NBEAL1: variants seen among roughly 807,000 people sequenced by gnomAD.
NBEAL1 encodes neurobeachin-like protein 1.
A neutral mutation model predicts 351.3 loss-of-function variants in NBEAL1; 273 were observed. That is an observed-to-expected ratio of 0.78 (90% CI 0.70 to 0.86). NBEAL1 has a LOEUF of 0.86. NBEAL1 is among the 40% of genes least tolerant of loss of function. The pLI is 0.00. For synonymous variants in NBEAL1, 1,050 were observed against 1,086.4 expected (o/e 0.97, Z 0.66); for missense variants, 2,961 against 3,201.3 (o/e 0.92, Z 1.81).
At chr2:203,119,467 C>G (rs572589142) in intron 18 of NBEAL1, among the ~76,000 whole-genome samples, 4 of 101,172 alleles carry the variant, frequency 4.0e-5, no homozygotes, top group Non-Finnish European at 7.8e-5. Flanking sequence ...CGCTCTGTTG[C>G]CAGGCTGGAG....
chr2:203,152,915 G>A (rs539378307), intron 35 of NBEAL1, among the ~76,000 whole-genome samples: 18 of 151,974 alleles, frequency 1.2e-4, no homozygotes, highest in African/African-American at 3.6e-4. Flanking sequence ...GCGGGCACCT[G>A]TAATCCCAGC....
rs543588457 is a variant in NBEAL1, at chr2:203,138,385, C to A, written c.4719+70C>A. On this transcript the variant is annotated intron_variant, in intron 30 of 55. Coordinates refer to ENST00000683969, the MANE Select transcript of NBEAL1 (RefSeq NM_001378026.1). ...CTTTATTCAAAGAAAAATTTTGCAC[C>A]CCCTCTTTTTAGAGCGTTAATGCTT... 8.4e-6 allele frequency: 12 copies of A among 1,435,064 alleles called. No individual in the cohort carries two copies. The African/African-American group carries it at 1.4e-4, about 17-fold the overall frequency. The allele number at this position is 1,435,064 out of a possible 1,614,324, so 88.9% of individuals were successfully genotyped here.
At chr2:203,162,019 ATTTTTT>A (rs780529337) in intron 36 of NBEAL1, among the ~76,000 whole-genome samples, 5 of 107,228 alleles carry the variant, frequency 4.7e-5, no homozygotes, top group African/African-American at 1.8e-4. Context: ...ATTTGATTTG[ATTTTTT>A]TTTTTTTTTT....
In NBEAL1 at chr2:203,111,716, T is replaced by C. The variant is rs143412173; in HGVS notation, c.2083-263T>C. On this transcript the variant is annotated intron_variant, in intron 15 of 55. Transcript: ENST00000683969. ...TCTAAAATATAAAATGCTTCTCATT[T>C]TTAAAAATGATTCTAAGGAATACTA... is the stretch of plus-strand genomic sequence containing the variant. Among the ~76,000 whole-genome samples, 26 of 152,336 alleles carry C rather than the reference T, an allele frequency of 1.7e-4. 1 individual carries two copies. The East Asian group carries it at 5.0e-3, about 29-fold the overall frequency.
intron 18 of NBEAL1, among the ~76,000 whole-genome samples, chr2:203,119,171 T>G (rs1353283280): frequency 6.8e-6 from 1 of 146,780 alleles, no homozygotes; most frequent in Non-Finnish European, 1.5e-5. Flanking sequence ...TGGATTCTAT[T>G]TTTTTTTTTT....
rs2062534813 is a variant in NBEAL1, at chr2:203,110,217, G to A, written c.2017G>A (p.Val673Met). 6.4e-7 allele frequency: 1 copy of A among 1,553,642 alleles called. No homozygotes were observed. Among genetic ancestry groups the A allele is most frequent in the Non-Finnish European group, 8.7e-7 (1 of 1,147,470 alleles). The change falls in exon 15 of 56, where the codon GTG (valine) becomes ATG (methionine). Residue 673 changes from valine to methionine, a missense_variant. Val to Met is a conservative substitution (Grantham distance 21). Coordinates refer to ENST00000683969, the MANE Select transcript of NBEAL1 (RefSeq NM_001378026.1). ...CCATTCAGGTATGTTGGTCGTGGCA[G>A]TGTGCACAAAAAGAGAATATGCAAC... is the stretch of plus-strand genomic sequence containing the variant. The part of the protein sequence containing the change: ...ITHSGMLVVA[V>M]CTKREYATVM...
At chr2:203,207,201 A>T (rs1338935825) in intron 51 of NBEAL1, among the ~76,000 whole-genome samples, 1 of 149,468 alleles carries the variant, frequency 6.7e-6, no homozygotes, top group Non-Finnish European at 1.5e-5. Context: ...CCGTCTGAGA[A>T]GTGAGGAGCC....
chr2:203,044,575 G>T (rs1236154450), intron 3 of NBEAL1, among the ~76,000 whole-genome samples: 1 of 152,106 alleles, frequency 6.6e-6, no homozygotes. Context: ...AAAGTAACAT[G>T]AAGAACGCCA....
intron 36 of NBEAL1, among the ~76,000 whole-genome samples, chr2:203,159,223 A>C (rs1342897997): frequency 6.6e-6 from 1 of 152,150 alleles, no homozygotes; most frequent in Non-Finnish European, 1.5e-5. Flanking sequence ...TATATCTCAC[A>C]AACATAAAAT....
chr2:203,212,962 G>T (rs1451282847), intron 54 of NBEAL1, among the ~76,000 whole-genome samples: 1 of 152,130 alleles, frequency 6.6e-6, no homozygotes, highest in Non-Finnish European at 1.5e-5. Context: ...GAGGCTCAGA[G>T]AACGGTGACT....
chr2:203,136,629 A>G lies in NBEAL1; in HGVS notation c.4420A>G (p.Thr1474Ala). 1 of 1,611,038 alleles carries G rather than the reference A, an allele frequency of 6.2e-7. No homozygotes were observed. Among genetic ancestry groups the G allele is most frequent in the Non-Finnish European group, 8.5e-7 (1 of 1,178,284 alleles). Residue 1474 changes from threonine to alanine, a missense_variant, in exon 29 of 56, where the codon ACA becomes GCA. By Grantham distance (58) the Thr-to-Ala change is moderately conservative (BLOSUM62 0). Coordinates refer to ENST00000683969, the MANE Select transcript of NBEAL1 (RefSeq NM_001378026.1). ...TGAGGAGGAGCTTCTTCAATTACTGACACATATTTTGAATTATGTAATGTG... is the reference window on the plus strand; with the variant it reads ...TGAGGAGGAGCTTCTTCAATTACTGGCACATATTTTGAATTATGTAATGTG... ...RCEEELLQLL[T>A]HILNYVMCKG...
intron 2 of NBEAL1, among the ~76,000 whole-genome samples, chr2:203,017,187 A>T (rs1446702953): frequency 6.6e-6 from 1 of 152,168 alleles, no homozygotes; most frequent in Admixed American, 6.5e-5. Flanking sequence ...TCAAGTGAGG[A>T]GGTACATTAT....
Position 203,046,625 on chromosome 2 carries a change from G to A in NBEAL1, c.144-3189G>A, listed in dbSNP as rs149729762. On this transcript the variant is annotated intron_variant, in intron 3 of 55. Coordinates refer to ENST00000683969, the MANE Select transcript of NBEAL1 (RefSeq NM_001378026.1). ...GGTGAGGGCCTGTCTTCTGTTTCTT[G>A]CTGTGTCCTTACACAGCAGAGGGAT... Among the ~76,000 whole-genome samples, 359 of 152,256 alleles carry A rather than the reference G, an allele frequency of 2.4e-3. 1 individual carries two copies. The highest frequency in any genetic ancestry group is 9.2e-3 in the Admixed American group (141 of 15,294).
intron 18 of NBEAL1, among the ~76,000 whole-genome samples, chr2:203,117,330 G>C (rs1267443661): frequency 6.6e-6 from 1 of 152,120 alleles, no homozygotes; most frequent in Non-Finnish European, 1.5e-5. Context: ...AGGCGCGGTG[G>C]CGGGCGCCTG....
At chr2:203,014,623 C>G (rs899809365), upstream of NBEAL1, 2 of 152,270 alleles carry the variant, frequency 1.3e-5, no homozygotes, top group African/African-American at 4.8e-5. Flanking sequence ...TCCTCCATGT[C>G]CAGCTGAGGG....
chr2:203,070,415 G>A (rs756467028), intron 7 of NBEAL1, among the ~76,000 whole-genome samples: 19 of 139,250 alleles, frequency 1.4e-4, no homozygotes, highest in Non-Finnish European at 2.6e-4. Context: ...CCAGTCTGGA[G>A]TGCTATGGTA....
intron 17 of NBEAL1, 101 bp from the exon 18 acceptor site, chr2:203,115,884 G>A (rs946909279): frequency 5.8e-6 from 4 of 694,020 alleles, no homozygotes; most frequent in Non-Finnish European, 9.5e-6. Context: ...TGTTGTTTGA[G>A]TAGCTTGAAA....
chr2:203,020,040 ATAAT>A (rs1356236617), intron 2 of NBEAL1, among the ~76,000 whole-genome samples: 2 of 152,158 alleles, frequency 1.3e-5, no homozygotes, highest in African/African-American at 4.8e-5. Flanking sequence ...TTAATTGATA[ATAAT>A]TTTAATTGAT....
chr2:203,111,622 C>T (rs759827173), intron 15 of NBEAL1, among the ~76,000 whole-genome samples: 6 of 152,114 alleles, frequency 3.9e-5, no homozygotes, highest in Non-Finnish European at 5.9e-5. Flanking sequence ...TCCCAGAGTG[C>T]TGGGATTACA....
Sources: gnomAD v4.1 joint callset for allele counts (sites outside exome capture counted in the v4.1 genomes callset) on GRCh38, gnomAD v4.1.1 for gene constraint, MANE v1.5 for transcripts, NCBI Gene and HGNC (gene_info 2026-07-23, HGNC 2026-07-21) for gene names.